AKR7A3: variants seen among roughly 807,000 people sequenced by gnomAD.
AKR7A3 encodes the protein AFB1 aldehyde reductase 2.
A neutral mutation model predicts 32.5 loss-of-function variants in AKR7A3; 37 were observed. That is an observed-to-expected ratio of 1.14 (90% CI 0.88 to 1.50). AKR7A3 has a LOEUF of 1.50. Among genes scored for constraint, AKR7A3 ranks in the 40% most tolerant of loss-of-function variants. The probability of loss-of-function intolerance (pLI) is 0.00; values close to 1 mark genes in which losing one functional copy is unlikely to be tolerated. For synonymous variants in AKR7A3, 177 were observed against 188.4 expected (o/e 0.94, Z 0.50); for missense variants, 412 against 453.2 (o/e 0.91, Z 0.83).
In AKR7A3 at chr1:19,284,707, C is replaced by G. The variant is rs768403934; in HGVS notation, c.683G>C (p.Trp228Ser). 6.2e-7 allele frequency: 1 copy of G among 1,613,888 alleles called. No homozygotes were observed. Among genetic ancestry groups the G allele is most frequent in the African/African-American group, 1.3e-5 (1 of 74,762 alleles). Residue 228 changes from tryptophan (W) to serine (S), a missense_variant, in exon 5 of 7, where the codon TGG becomes TCG. Transcript: ENST00000361640. ...QPVGRFFGNT[W>S]AEMYRNRYWK... Reference sequence around the variant, plus strand: ...TTACCGATTCCTGTACATCTCTGCCCAGGTATTCCCAAAGAAGCGGCCCAC... The same window carrying G: ...TTACCGATTCCTGTACATCTCTGCCGAGGTATTCCCAAAGAAGCGGCCCAC...
downstream of AKR7A3, among the ~76,000 whole-genome samples, chr1:19,278,922 A>C (rs1272158681): frequency 2.0e-5 from 3 of 151,918 alleles, no homozygotes; most frequent in Non-Finnish European, 4.4e-5. Flanking sequence ...TTCAAGGTGC[A>C]TTTACCTTGT....
downstream of AKR7A3, among the ~76,000 whole-genome samples, chr1:19,281,294 C>A (rs982443330): frequency 6.6e-6 from 1 of 151,788 alleles, no homozygotes; most frequent in Non-Finnish European, 1.5e-5. Context: ...ATCCTGGGTG[C>A]CCTGAATTTG....
At chr1:19,288,178 G>A (rs1016553957) in intron 1 of AKR7A3, among the ~76,000 whole-genome samples, 11 of 152,196 alleles carry the variant, frequency 7.2e-5, no homozygotes, top group African/African-American at 2.4e-4. Flanking sequence ...CCAGATCCCA[G>A]TGTTTTTTGT....
intron 5 of AKR7A3, 148 bp downstream of exon 5, chr1:19,284,538 A>G: frequency 6.7e-6 from 6 of 899,280 alleles, no homozygotes; most frequent in Non-Finnish European, 1.0e-5. Context: ...CAACAAGAAA[A>G]CCGATGGAGG....
chr1:19,286,515 A>G (rs1279232252), intron 1 of AKR7A3, 143 bp from the exon 2 acceptor site: 16 of 829,850 alleles, frequency 1.9e-5, no homozygotes, highest in Non-Finnish European at 2.5e-5. Context: ...CCCCATCTCT[A>G]ATAAAAACAC....
At chr1:19,275,929 T>A in the AKR7A3 span, among the ~76,000 whole-genome samples, 13 of 150,550 alleles carry the variant, frequency 8.6e-5, 1 homozygote, top group African/African-American at 2.4e-4. Context: ...AAATAGAGCA[T>A]CAAATACATG....
chr1:19,279,844 G>A (rs767396622), downstream of AKR7A3, among the ~76,000 whole-genome samples: 2 of 151,812 alleles, frequency 1.3e-5, no homozygotes, highest in Non-Finnish European at 2.9e-5. Context: ...CCCGCAGGCC[G>A]CATGCAGCCC....
At chr1:19,275,655 A>G in the AKR7A3 span, among the ~76,000 whole-genome samples, 1 of 151,838 alleles carries the variant, frequency 6.6e-6, no homozygotes, top group South Asian at 2.1e-4. Context: ...TTTTAAAAAG[A>G]TTATCAAAAT....
chr1:19,282,708 G>A lies in AKR7A3; in HGVS notation c.*23C>T. On this transcript the variant is annotated 3_prime_UTR_variant, in exon 7 of 7. Coordinates refer to ENST00000361640, the MANE Select transcript of AKR7A3 (RefSeq NM_012067.3). ...ACAAAAGATGTTACAGAAGAGCCTTGGGCAGCCTGAGAAACGATGGGCCTA... is the reference window on the plus strand; with the variant it reads ...ACAAAAGATGTTACAGAAGAGCCTTAGGCAGCCTGAGAAACGATGGGCCTA... The A allele has an allele frequency of 6.2e-7, 1 of 1,613,756 alleles. No individual in the cohort carries two copies. The highest frequency in any genetic ancestry group is 1.1e-5 in the South Asian group (1 of 91,078).
chr1:19,283,901 AGAGGAATC>A, intron 6 of AKR7A3, 87 bp downstream of exon 6: 4 of 1,570,490 alleles, frequency 2.5e-6, no homozygotes, highest in Non-Finnish European at 3.5e-6. Flanking sequence ...GAGAAATTTC[AGAGGAATC>A]GATAAACAAA....
downstream of AKR7A3, among the ~76,000 whole-genome samples, chr1:19,280,558 TTTTCG>T (rs201982129): frequency 0.028 from 4,261 of 151,128 alleles, 73 homozygotes; most frequent in South Asian, 0.054. Flanking sequence ...AAGATGGTTC[TTTTCG>T]TTTCTTTTCT....
At chr1:19,285,721 C>T (rs932649210) in intron 3 of AKR7A3, among the ~76,000 whole-genome samples, 167 bp downstream of exon 3, 1 of 151,626 alleles carries the variant, frequency 6.6e-6, no homozygotes. Context: ...CAGTGGCCAG[C>T]CTGAGGAGCT....
chr1:19,277,451 C>CTA, the AKR7A3 span, among the ~76,000 whole-genome samples: 1 of 151,630 alleles, frequency 6.6e-6, no homozygotes, highest in Non-Finnish European at 1.5e-5. Flanking sequence ...CACAGTAGTG[C>CTA]TAAGAGGGAA....
chr1:19,279,996 T>TC (rs139612885), downstream of AKR7A3, among the ~76,000 whole-genome samples: 24,523 of 151,438 alleles, frequency 0.16, 2,578 homozygotes, highest in African/African-American at 0.28. Flanking sequence ...AGACAATTCT[T>TC]CTTCTTCCAG....
rs757570063 is a variant in AKR7A3 at position 19,282,724 on chromosome 1, G to T, written c.*7C>A. ...AAGAGCCTTGGGCAGCCTGAGAAACGATGGGCCTAGCGGAAGTAGTTGGGA... is the reference window on the plus strand; with the variant it reads ...AAGAGCCTTGGGCAGCCTGAGAAACTATGGGCCTAGCGGAAGTAGTTGGGA... On this transcript the variant is annotated 3_prime_UTR_variant, in exon 7 of 7. Transcript: ENST00000361640. 34 of 1,613,704 alleles carry T rather than the reference G, an allele frequency of 2.1e-5. No individual in the cohort carries two copies. The highest frequency in any genetic ancestry group is 2.5e-5 in the Non-Finnish European group (29 of 1,180,040).
At chr1:19,275,180 G>T in the AKR7A3 span, among the ~76,000 whole-genome samples, 1 of 151,174 alleles carries the variant, frequency 6.6e-6, no homozygotes, top group East Asian at 2.0e-4. Flanking sequence ...GGAGGCCGAG[G>T]GGGGTGGATC....
the AKR7A3 span, among the ~76,000 whole-genome samples, chr1:19,275,536 T>C: frequency 6.6e-6 from 1 of 151,962 alleles, no homozygotes; most frequent in Non-Finnish European, 1.5e-5. Flanking sequence ...GCCCGTATAG[T>C]GGTTGACACC....
the AKR7A3 span, among the ~76,000 whole-genome samples, chr1:19,276,447 T>C: frequency 6.7e-6 from 1 of 150,350 alleles, no homozygotes. Context: ...CAGCAGAATA[T>C]GCATCCAAGT....
chr1:19,277,108 C>T, the AKR7A3 span, among the ~76,000 whole-genome samples: 4 of 150,586 alleles, frequency 2.7e-5, no homozygotes, highest in Admixed American at 6.6e-5. Context: ...AGTGAGACTC[C>T]GTCTCAAAAA....
Sources: allele counts gnomAD v4.1 joint callset (sites outside exome capture counted in the v4.1 genomes callset), GRCh38; gene constraint gnomAD v4.1.1; transcripts MANE v1.5; gene names NCBI Gene and HGNC (gene_info 2026-07-23, HGNC 2026-07-21).